The following CFAP47 variants were observed in gnomAD, a reference collection of about 807,000 sequenced individuals.
The protein encoded by CFAP47 is cilia- and flagella-associated protein 47.
Under a neutral mutation model 148.1 loss-of-function variants are expected in CFAP47, and 29 were observed. The ratio of observed to expected loss-of-function variants is 0.20; its 90% CI spans 0.15 to 0.27. The LOEUF (loss-of-function observed/expected upper bound fraction) is 0.27, where lower values mean the gene tolerates loss of function less well. CFAP47 is among the 10% of genes least tolerant of loss of function. The pLI is 1.00. For synonymous variants in CFAP47, 664 were observed against 577.3 expected (o/e 1.15, Z -2.15); for missense variants, 1,872 against 1,697.5 (o/e 1.10, Z -1.81).
intron 26 of CFAP47, among the ~76,000 whole-genome samples, chrX:36,055,132 G>C (rs979234295): frequency 1.0e-4 from 11 of 109,317 alleles, no homozygotes; most frequent in African/African-American, 3.7e-4. Context: ...ACACCATGTA[G>C]ACATGGTCAG....
intron 2 of CFAP47, among the ~76,000 whole-genome samples, chrX:35,926,554 G>A (rs1480832692): frequency 8.9e-6 from 1 of 112,084 alleles, no homozygotes; most frequent in Non-Finnish European, 1.9e-5. Context: ...AAAGAGCTAA[G>A]TGACTGACTT....
chrX:36,384,192 T>C (rs1389879572), intron 63 of CFAP47, among the ~76,000 whole-genome samples: 4 of 109,670 alleles, frequency 3.6e-5, no homozygotes, highest in Non-Finnish European at 7.6e-5. Context: ...AATACAAAAA[T>C]TAGCCGGGTG....
chrX:35,920,997 AT>A (rs1294559266), intron 1 of CFAP47, among the ~76,000 whole-genome samples: 2 of 112,259 alleles, frequency 1.8e-5, no homozygotes, highest in Non-Finnish European at 3.8e-5. Context: ...TGTTAAAAAA[AT>A]CGATGTATTA....
intron 52 of CFAP47, among the ~76,000 whole-genome samples, chrX:36,300,324 C>CT (rs1287269592): frequency 9.3e-6 from 1 of 107,502 alleles, no homozygotes; most frequent in African/African-American, 3.4e-5. Context: ...GAGTCTCACT[C>CT]TGTCACCCAC....
At chrX:35,960,328 T>C (rs191585653) in intron 8 of CFAP47, among the ~76,000 whole-genome samples, 2 of 94,490 alleles carry the variant, frequency 2.1e-5, no homozygotes, top group East Asian at 6.6e-4. Flanking sequence ...TTTTGCCTAA[T>C]GTGGGATGCT....
intron 37 of CFAP47, among the ~76,000 whole-genome samples, chrX:36,158,483 T>C (rs1288319660): frequency 8.9e-6 from 1 of 111,850 alleles, no homozygotes; most frequent in Non-Finnish European, 1.9e-5. Flanking sequence ...CAGGGCAATA[T>C]CAAAATAAAA....
intron 35 of CFAP47, among the ~76,000 whole-genome samples, chrX:36,138,787 T>G (rs1401737140): frequency 9.3e-6 from 1 of 107,667 alleles, no homozygotes; most frequent in Non-Finnish European, 1.9e-5. Context: ...CATATTTATT[T>G]AAATATAGAT....
intron 33 of CFAP47, among the ~76,000 whole-genome samples, chrX:36,128,597 T>G (rs1248049141): frequency 9.0e-6 from 1 of 110,866 alleles, no homozygotes; most frequent in Non-Finnish European, 1.9e-5. Context: ...CCTGATATTT[T>G]TGTATAATCT....
At chrX:36,083,252 CATATATGCATGT>C (rs1163785910) in intron 29 of CFAP47, among the ~76,000 whole-genome samples, 8 of 109,771 alleles carry the variant, frequency 7.3e-5, no homozygotes, top group African/African-American at 2.6e-4. Flanking sequence ...ATGTAGTATA[CATATATGCATGT>C]ATACATGCAT....
intron 63 of CFAP47, among the ~76,000 whole-genome samples, chrX:36,384,469 A>G (rs1254313876): frequency 4.4e-5 from 5 of 112,668 alleles, no homozygotes; most frequent in Non-Finnish European, 7.5e-5. Context: ...GAATGTGTTT[A>G]TCTTGGAAGG....
intron 57 of CFAP47, among the ~76,000 whole-genome samples, chrX:36,339,462 A>G (rs1436738779): frequency 3.6e-5 from 4 of 112,162 alleles, no homozygotes; most frequent in African/African-American, 6.5e-5. Context: ...AGAAAAATAT[A>G]CAGTTTCTTA....
intron 62 of CFAP47, among the ~76,000 whole-genome samples, chrX:36,370,593 CT>C (rs201760302): frequency 9.1e-6 from 1 of 109,735 alleles, no homozygotes; most frequent in African/African-American, 3.3e-5. Flanking sequence ...GTGTTTTAAA[CT>C]TTTTTTAGAG....
intron 39 of CFAP47, among the ~76,000 whole-genome samples, chrX:36,173,962 T>G (rs1302993822): frequency 2.7e-5 from 3 of 111,083 alleles, no homozygotes; most frequent in Non-Finnish European, 5.7e-5. Flanking sequence ...ACTCAGGACT[T>G]GCTTTATGAA....
In CFAP47 at chrX:36,179,386, C is replaced by T. The variant is rs888895922; in HGVS notation, c.6068C>T (p.Thr2023Met). 3.0e-5 allele frequency: 9 copies of T among 295,337 alleles called. 1 individual carries two copies. The highest frequency in any genetic ancestry group is 5.5e-5 in the African/African-American group (2 of 36,446). 24.3% of individuals were successfully genotyped at this position (295,337 alleles called of 1,213,427 possible). A position where few individuals can be genotyped will look rare whatever the true frequency, so the allele number is the denominator to read the frequency against. ...VESSTFVSSP[T>M]KLTESRQYPK... ...TCCTCAACATTTGTCTCTTCGCCAA[C>T]GAAGTTAACTGAATCCAGGCAATAC... The change falls in exon 40 of 64, where the codon ACG becomes ATG. Residue 2023 changes from threonine to methionine, a missense_variant. Transcript: ENST00000378653.
chrX:36,006,835 G>C lies in CFAP47; in HGVS notation c.3417+5128G>C, dbSNP rs145121232. On this transcript the variant is annotated intron_variant, in intron 21 of 63. Coordinates refer to ENST00000378653, the MANE Select transcript of CFAP47 (RefSeq NM_001304548.2). ...AATTGTACTTCCTATATGGTAGTCAGTACCTACATATGGCTATTTGAATTA... is the reference window on the plus strand; with the variant it reads ...AATTGTACTTCCTATATGGTAGTCACTACCTACATATGGCTATTTGAATTA... 5.4e-3 allele frequency among the ~76,000 whole-genome samples: 600 copies of C among 112,122 alleles called. 6 individuals are homozygous for C. The highest frequency in any genetic ancestry group is 0.019 in the African/African-American group (576 of 30,914).
At chrX:36,222,887 T>C (rs1555990960) in intron 45 of CFAP47, among the ~76,000 whole-genome samples, 10 of 111,397 alleles carry the variant, frequency 9.0e-5, no homozygotes, top group African/African-American at 3.3e-4. Context: ...TGCTCAAATC[T>C]CATTTCAAAT....
At chrX:36,336,244 GACACAC>G (rs781925226) in intron 57 of CFAP47, among the ~76,000 whole-genome samples, 8,080 of 65,499 alleles carry the variant, frequency 0.12, 294 homozygotes, top group East Asian at 0.19. Flanking sequence ...CAGACACACA[GACACAC>G]ACACACACAC....
At chrX:36,073,113 T>C (rs767379673) in intron 28 of CFAP47, 26 bp from the exon 29 acceptor site, 1 of 1,129,456 alleles carries the variant, frequency 8.9e-7, no homozygotes, top group South Asian at 1.8e-5. Context: ...AGTAGCCCTT[T>C]TTTAACAAAC....
At chrX:35,977,975 C>T (rs974206109) in intron 15 of CFAP47, among the ~76,000 whole-genome samples, 2 of 111,808 alleles carry the variant, frequency 1.8e-5, no homozygotes. Context: ...TGTTAAGTAT[C>T]TGAAATATAC....
Sources: gnomAD v4.1 joint callset for allele counts (sites outside exome capture counted in the v4.1 genomes callset) on GRCh38, gnomAD v4.1.1 for gene constraint, MANE v1.5 for transcripts, NCBI Gene and HGNC (gene_info 2026-07-23, HGNC 2026-07-21) for gene names.